Variants in ADIPOR1 observed in about 807,000 individuals in gnomAD.
The protein encoded by ADIPOR1 is adiponectin receptor 1, also known as adiponectin receptor protein 1.
Under a neutral mutation model 37.5 loss-of-function variants are expected in ADIPOR1, and 15 were observed. The observed-to-expected ratio is 0.40, with a 90% CI of 0.27 to 0.62. ADIPOR1 has a LOEUF of 0.62. Ranked by LOEUF, ADIPOR1 falls within the 20% of genes least tolerant of loss-of-function variation. ADIPOR1 has a pLI of 0.42. For missense variants in ADIPOR1, 286 were observed against 478.0 expected, an observed-to-expected ratio of 0.60 and a Z score of 3.75; for synonymous variants, 173 against 173.2, an observed-to-expected ratio of 1.00 and a Z score of 0.01.
At chr1:202,956,171 A>G (rs1654774633) in intron 1 of ADIPOR1, among the ~76,000 whole-genome samples, 1 of 152,270 alleles carries the variant, frequency 6.6e-6, no homozygotes, top group African/African-American at 2.4e-5. Flanking sequence ...ACAAATGGAC[A>G]TAACAACGTT....
intron 4 of ADIPOR1, among the ~76,000 whole-genome samples, chr1:202,945,409 G>A (rs559754081): frequency 7.2e-5 from 11 of 152,310 alleles, no homozygotes; most frequent in Non-Finnish European, 1.6e-4. Flanking sequence ...CTCCTTGTGG[G>A]AATGTAAATT....
In ADIPOR1 at chr1:202,941,516, G is replaced by T. The variant is rs775187768; in HGVS notation, c.*57C>A. On this transcript the variant is annotated 3_prime_UTR_variant, in exon 8 of 8. Transcript: ENST00000340990. ...AGACTCTTCCTCTCACTTCAGCAAA[G>T]AAGTTATTTTTAAAAGCACTTGGGA... 77 of 1,563,666 alleles carry T rather than the reference G, an allele frequency of 4.9e-5. No individual in the cohort carries two copies. Among genetic ancestry groups the T allele is most frequent in the Admixed American group, 2.0e-4 (10 of 48,974 alleles).
intron 2 of ADIPOR1, 93 bp downstream of exon 2, chr1:202,950,837 C>T (rs1219160380): frequency 6.5e-7 from 1 of 1,529,180 alleles, no homozygotes; most frequent in Admixed American, 1.8e-5. Context: ...CAATGTTCCT[C>T]CTTTTGGACG....
In ADIPOR1 at chr1:202,941,406, T is replaced by G. The variant is rs1654076903; in HGVS notation, c.*167A>C. Reference sequence around the variant, plus strand: ...CAGCTAGGAGAATGGAAATGGAAAGTTTATTGCCCAGTGGGTGTGAAAGTG... The same window carrying G: ...CAGCTAGGAGAATGGAAATGGAAAGGTTATTGCCCAGTGGGTGTGAAAGTG... On this transcript the variant is annotated 3_prime_UTR_variant, in exon 8 of 8. Transcript: ENST00000340990. 17 of 750,060 alleles carry G rather than the reference T, an allele frequency of 2.3e-5. No homozygotes were observed. The South Asian group carries it at 5.2e-4, about 23-fold the overall frequency. The allele number at this position is 750,060 out of a possible 1,614,324, so 46.5% of individuals were successfully genotyped here. A position where few individuals can be genotyped will look rare whatever the true frequency, so the allele number is the denominator to read the frequency against.
chr1:202,941,377 T>C lies in ADIPOR1; in HGVS notation c.*196A>G. 2 of 546,878 alleles carry C rather than the reference T, an allele frequency of 3.7e-6. No individual in the cohort carries two copies. 33.9% of individuals were successfully genotyped at this position (546,878 alleles called of 1,614,324 possible). A position where few individuals can be genotyped will look rare whatever the true frequency, so the allele number is the denominator to read the frequency against. On this transcript the variant is annotated 3_prime_UTR_variant, in exon 8 of 8. Coordinates refer to ENST00000340990, the MANE Select transcript of ADIPOR1 (RefSeq NM_015999.6). ...GATGGCTAAGTTTGACCATGCCCCA[T>C]CCCCAGCTAGGAGAATGGAAATGGA...
chr1:202,942,927 G>A (rs1382635276), intron 6 of ADIPOR1, among the ~76,000 whole-genome samples: 5 of 149,388 alleles, frequency 3.3e-5, no homozygotes, highest in Non-Finnish European at 5.9e-5. Flanking sequence ...GTGCAGTGGC[G>A]TGATCTTGGC....
In ADIPOR1 at chr1:202,952,041, T is replaced by C. The variant is rs140094376; in HGVS notation, c.-94-877A>G. 3.2e-4 allele frequency among the ~76,000 whole-genome samples: 48 copies of C among 152,252 alleles called. No individual in the cohort carries two copies. The East Asian group carries it at 8.1e-3, about 26-fold the overall frequency. On this transcript the variant is annotated intron_variant, in intron 1 of 7. Coordinates refer to ENST00000340990, the MANE Select transcript of ADIPOR1 (RefSeq NM_015999.6). ...ATTTTCTAGGAAAAATCTCAGACAC[T>C]TTAGGTTTTCCTGGGTTGGATTTTC...
intron 1 of ADIPOR1, among the ~76,000 whole-genome samples, chr1:202,951,844 A>G (rs1654588997): frequency 6.6e-6 from 1 of 152,216 alleles, no homozygotes; most frequent in Non-Finnish European, 1.5e-5. Context: ...TGGAAGCAGG[A>G]AGGTGAAGAC....
intron 2 of ADIPOR1, 142 bp downstream of exon 2, chr1:202,950,788 C>A (rs7554261): frequency 5.2e-6 from 6 of 1,160,940 alleles, no homozygotes; most frequent in Non-Finnish European, 6.2e-6. Context: ...ATGTTTATAA[C>A]AGTATCATAG....
chr1:202,956,207 A>G (rs563466900), intron 1 of ADIPOR1, among the ~76,000 whole-genome samples: 1 of 152,320 alleles, frequency 6.6e-6, no homozygotes, highest in African/African-American at 2.4e-5. Context: ...AAGAAAAAAA[A>G]CTCACCATAA....
chr1:202,953,686 CAAAATACAAGACACTGT>C (rs1654669955), intron 1 of ADIPOR1, among the ~76,000 whole-genome samples: 1 of 70,414 alleles, frequency 1.4e-5, no homozygotes, highest in African/African-American at 8.1e-5. Flanking sequence ...AGACACTGTG[CAAAATACAAGACACTGT>C]GCAAAATACA....
rs137995793 is a variant in ADIPOR1, at chr1:202,941,518, A to C, written c.*55T>G. ...ACTCTTCCTCTCACTTCAGCAAAGA[A>C]GTTATTTTTAAAAGCACTTGGGAAG... On this transcript the variant is annotated 3_prime_UTR_variant, in exon 8 of 8. Transcript: ENST00000340990. 3.6e-4 allele frequency: 566 copies of C among 1,566,416 alleles called. 4 individuals are homozygous for C. In the East Asian group the frequency reaches 0.012, roughly 32 times the overall value.
rs1440445822 is a variant in ADIPOR1 at position 202,942,165 on chromosome 1, T to C, written c.859A>G (p.Ile287Val). 3 of 1,614,098 alleles carry C rather than the reference T, an allele frequency of 1.9e-6. No homozygotes were observed. The highest frequency in any genetic ancestry group is 3.3e-5 in the Admixed American group (2 of 60,014). The stretch of plus-strand genomic sequence containing the variant: ...GTGGCCTTGACAAAGCCCTCAGCGA[T>C]AGTAAAGTGCATGGTGGGCACGACG... ...SGVVPTMHFTIAEGFVKATTV... is the reference protein window; with the variant it reads ...SGVVPTMHFTVAEGFVKATTV... Residue 287 changes from isoleucine (I) to valine (V), a missense_variant, in exon 7 of 8, where the codon ATC (isoleucine) becomes GTC (valine). Ile to Val is a conservative substitution (Grantham distance 29). Coordinates refer to ENST00000340990, the MANE Select transcript of ADIPOR1 (RefSeq NM_015999.6).
Position 202,943,804 on chromosome 1 carries a change from C to T in ADIPOR1, c.759G>A (p.Ala253=), listed in dbSNP as rs145759019. ...CVLGISAIIV[A]QWDRFATPKH... ...TAGGAGTGGCAAACCGGTCCCACTG[C>T]GCCACAATGATGGCAGAAATGCCCA... Residue 253 remains alanine, a synonymous_variant, in exon 6 of 8, where the codon GCG becomes GCA. Coordinates refer to ENST00000340990, the MANE Select transcript of ADIPOR1 (RefSeq NM_015999.6). The T allele has an allele frequency of 6.6e-5, 107 of 1,613,930 alleles. 1 individual carries two copies. Among genetic ancestry groups the T allele is most frequent in the Middle Eastern group, 3.4e-4 (2 of 5,922 alleles).
intron 1 of ADIPOR1, among the ~76,000 whole-genome samples, chr1:202,955,815 T>A (rs903956711): frequency 1.3e-5 from 2 of 152,216 alleles, no homozygotes; most frequent in Admixed American, 1.3e-4. Flanking sequence ...CCTTGCTCTA[T>A]CCCCCAGGGT....
At chr1:202,948,477 C>G in intron 2 of ADIPOR1, 57 bp from the exon 3 acceptor site, 1 of 1,516,084 alleles carries the variant, frequency 6.6e-7, no homozygotes, top group Non-Finnish European at 9.2e-7. Context: ...TTGTACTATT[C>G]CAGAGCAGAG....
Position 202,951,103 on chromosome 1 carries a change from C to G in ADIPOR1, c.-33G>C. On this transcript the variant is annotated 5_prime_UTR_variant, in exon 2 of 8. Coordinates refer to ENST00000340990, the MANE Select transcript of ADIPOR1 (RefSeq NM_015999.6). ...GTACCTCAATACCCTGCAGCTTCAG[C>G]TTGGGGAAAGGTTGGGGTCTCTCAG... The G allele has an allele frequency of 1.2e-6, 2 of 1,612,664 alleles. No individual in the cohort carries two copies. The highest frequency in any genetic ancestry group is 1.1e-5 in the South Asian group (1 of 91,046).
At chr1:202,952,876 A>C (rs1654634134) in intron 1 of ADIPOR1, among the ~76,000 whole-genome samples, 1 of 152,220 alleles carries the variant, frequency 6.6e-6, no homozygotes, top group South Asian at 2.1e-4. Flanking sequence ...AAGCTTCTAA[A>C]CAGTCATGAG....
rs1235572508 is a variant in ADIPOR1 at position 202,941,604 on chromosome 1, T to G, written c.1097A>C (p.Glu366Ala). 9 of 1,614,122 alleles carry G rather than the reference T, an allele frequency of 5.6e-6. No homozygotes were observed. The highest frequency in any genetic ancestry group is 7.6e-6 in the Non-Finnish European group (9 of 1,180,026). The change falls in exon 8 of 8, where the codon GAA becomes GCA. Residue 366 changes from glutamate (E) to alanine (A), a missense_variant. Physicochemically the swap from Glu to Ala is moderately radical, Grantham distance 107. Transcript: ENST00000340990. ...SNLQEFRYGL[E>A]GGCTDDTLL ...AAGGGTGTCATCAGTACAGCCGCCT[T>G]CTAGGCCGTAACGGAATTCCTGAAG...
Sources: gnomAD v4.1 joint callset for allele counts (sites outside exome capture counted in the v4.1 genomes callset) on GRCh38, gnomAD v4.1.1 for gene constraint, MANE v1.5 for transcripts, NCBI Gene and HGNC (gene_info 2026-07-23, HGNC 2026-07-21) for gene names.